Variants in RNF150 observed in about 807,000 individuals in gnomAD.
The protein encoded by RNF150 is ring finger protein 150.
A neutral mutation model predicts 39.3 loss-of-function variants in RNF150; 24 were observed. The observed-to-expected ratio is 0.61, with a 90% CI of 0.44 to 0.86. RNF150 has a LOEUF of 0.86. Among genes scored for constraint, RNF150 ranks in the 40% least tolerant of loss-of-function variants. The probability of loss-of-function intolerance (pLI) is 0.00; values close to 1 mark genes in which losing one functional copy is unlikely to be tolerated. For synonymous variants in RNF150, 255 were observed against 227.3 expected (o/e 1.12, Z -1.10); for missense variants, 502 against 587.8 (o/e 0.85, Z 1.51).
At chr4:141,126,593 TAA>T (rs886235856) in intron 1 of RNF150, among the ~76,000 whole-genome samples, 10 of 152,088 alleles carry the variant, frequency 6.6e-5, no homozygotes, top group African/African-American at 2.4e-4. Context: ...AGCCAGATGG[TAA>T]AAAGTGATGG....
At chr4:140,901,006 C>T (rs1380071095) in intron 6 of RNF150, among the ~76,000 whole-genome samples, 1 of 152,132 alleles carries the variant, frequency 6.6e-6, no homozygotes, top group African/African-American at 2.4e-5. Flanking sequence ...CAAAGTCATG[C>T]AGTTTTCTCA....
chr4:141,071,898 T>A (rs72724438), intron 1 of RNF150, among the ~76,000 whole-genome samples: 8,736 of 152,294 alleles, frequency 0.057, 258 homozygotes, highest in South Asian at 0.076. Flanking sequence ...ATTTATTTTT[T>A]ATTCTTTGTG....
intron 1 of RNF150, among the ~76,000 whole-genome samples, chr4:140,986,860 T>C (rs984810917): frequency 1.3e-5 from 2 of 152,076 alleles, no homozygotes; most frequent in African/African-American, 4.8e-5. Flanking sequence ...TATGATTACA[T>C]ACCTAGAAAA....
intron 1 of RNF150, among the ~76,000 whole-genome samples, chr4:140,989,086 T>C (rs1734108893): frequency 6.6e-6 from 1 of 152,138 alleles, no homozygotes; most frequent in African/African-American, 2.4e-5. Flanking sequence ...ACTGTAGCAG[T>C]TTAGCTTCAT....
Position 141,151,357 on chromosome 4 carries a change from G to A in RNF150, c.-6+61437C>T, listed in dbSNP as rs190950565. On this transcript the variant is annotated intron_variant, in intron 1 of 7. Coordinates refer to the RNF150 transcript ENST00000420921. ...ACCCTGTAATCCCAGGGACTCAAGA[G>A]GTCAGGAGTTTGAGACCAGCCTGGG... is the stretch of plus-strand genomic sequence containing the variant. Among the ~76,000 whole-genome samples, 601 of 151,348 alleles carry A rather than the reference G, an allele frequency of 4.0e-3. 8 individuals carry two copies. The highest frequency in any genetic ancestry group is 0.014 in the African/African-American group (567 of 41,276).
intron 1 of RNF150, among the ~76,000 whole-genome samples, chr4:140,995,849 T>C (rs1480619276): frequency 6.6e-6 from 1 of 152,208 alleles, no homozygotes; most frequent in African/African-American, 2.4e-5. Flanking sequence ...TGTGTATATG[T>C]ACCACATTTT....
At chr4:141,048,760 G>A (rs200886150) in intron 1 of RNF150, among the ~76,000 whole-genome samples, 2 of 152,176 alleles carry the variant, frequency 1.3e-5, no homozygotes, top group East Asian at 3.9e-4. Context: ...AAAAACAACT[G>A]TATGTGAGTG....
chr4:140,935,056 T>TA (rs1553993277), intron 4 of RNF150, among the ~76,000 whole-genome samples: 64 of 46,226 alleles, frequency 1.4e-3, no homozygotes, highest in Admixed American at 3.4e-3. Context: ...AATATATATA[T>TA]TATATATATA....
intron 5 of RNF150, among the ~76,000 whole-genome samples, chr4:140,923,282 GAAAC>G (rs1731237658): frequency 2.0e-5 from 3 of 152,028 alleles, no homozygotes; most frequent in Non-Finnish European, 2.9e-5. Flanking sequence ...AAGAAAAAAA[GAAAC>G]AACCCCATCA....
chr4:141,204,863 A>C (rs1293488468), intron 1 of RNF150, among the ~76,000 whole-genome samples: 1 of 152,230 alleles, frequency 6.6e-6, no homozygotes, highest in Non-Finnish European at 1.5e-5. Flanking sequence ...GCATAACTGC[A>C]ATCTAAGACT....
intron 1 of RNF150, among the ~76,000 whole-genome samples, chr4:141,174,502 A>T (rs1002944261): frequency 6.6e-6 from 1 of 152,144 alleles, no homozygotes; most frequent in African/African-American, 2.4e-5. Context: ...ACTGGTAATA[A>T]TTCTAGAATT....
At chr4:140,905,916 GT>G (rs983534944) in intron 6 of RNF150, among the ~76,000 whole-genome samples, 189 of 152,216 alleles carry the variant, frequency 1.2e-3, no homozygotes, top group African/African-American at 4.5e-3. Flanking sequence ...CCCAAAAGGG[GT>G]TCCTGGAGAG....
At chr4:141,060,418 G>A (rs1475861224) in intron 1 of RNF150, among the ~76,000 whole-genome samples, 1 of 152,120 alleles carries the variant, frequency 6.6e-6, no homozygotes, top group African/African-American at 2.4e-5. Context: ...TCCAGCCTGG[G>A]TGACAGAGCA....
At chr4:140,980,045 A>AT (rs901260423) in intron 1 of RNF150, among the ~76,000 whole-genome samples, 2 of 151,578 alleles carry the variant, frequency 1.3e-5, no homozygotes, top group African/African-American at 2.4e-5. Context: ...AGGCTATTTC[A>AT]TTTTTTTTCT....
rs922397307 is a variant in RNF150 at position 140,866,138 on chromosome 4, T to C, written c.*2123A>G. 2.0e-4 allele frequency: 31 copies of C among 152,202 alleles called. No individual in the cohort carries two copies. The highest frequency in any genetic ancestry group is 7.2e-4 in the African/African-American group (30 of 41,446). The allele number at this position is 152,202 out of a possible 1,614,324, so 9.4% of individuals were successfully genotyped here. ...CTACTTGGACTTAAAACTTCAATCA[T>C]TTAGATTTTCATTCTCAGCACCATA... On this transcript the variant is annotated 3_prime_UTR_variant, in exon 7 of 7. Transcript: ENST00000515673.
chr4:140,974,304 A>T (rs910291724), intron 1 of RNF150, among the ~76,000 whole-genome samples: 6 of 152,168 alleles, frequency 3.9e-5, no homozygotes, highest in Non-Finnish European at 7.3e-5. Flanking sequence ...CATTCAGCAT[A>T]ATGTCCTTAT....
intron 1 of RNF150, among the ~76,000 whole-genome samples, chr4:141,210,486 C>CAT (rs1728444569): frequency 6.9e-6 from 1 of 143,902 alleles, no homozygotes; most frequent in Non-Finnish European, 1.5e-5. Context: ...GCAGTTTCAG[C>CAT]TTTTTTTTTT....
At chr4:140,908,624 A>C (rs560869713) in intron 6 of RNF150, among the ~76,000 whole-genome samples, 55 of 152,168 alleles carry the variant, frequency 3.6e-4, no homozygotes, top group Non-Finnish European at 6.8e-4. Flanking sequence ...AAGTCATTCA[A>C]TAAACATCTA....
chr4:140,914,633 A>G (rs1243095084), intron 5 of RNF150, among the ~76,000 whole-genome samples: 1 of 152,146 alleles, frequency 6.6e-6, no homozygotes, highest in Non-Finnish European at 1.5e-5. Flanking sequence ...ATTTGCTGAA[A>G]CTGTATTCTG....
Sources: allele counts gnomAD v4.1 joint callset (sites outside exome capture counted in the v4.1 genomes callset), GRCh38; gene constraint gnomAD v4.1.1; transcripts MANE v1.5; gene names NCBI Gene and HGNC (gene_info 2026-07-23, HGNC 2026-07-21).